The following SCN11A variants were observed in gnomAD, a reference collection of about 807,000 sequenced individuals.
The protein encoded by SCN11A is sodium channel protein type 11 subunit alpha.
SCN11A carries 122 observed loss-of-function variants against 162.2 expected under a neutral mutation model. That is an observed-to-expected ratio of 0.75 (90% CI 0.65 to 0.87). The LOEUF (loss-of-function observed/expected upper bound fraction) is 0.87. Among genes scored for constraint, SCN11A ranks in the 40% least tolerant of loss-of-function variants. The pLI, the probability that SCN11A is intolerant of heterozygous loss-of-function variation, is 0.00. For synonymous variants in SCN11A, 758 were observed against 751.5 expected (o/e 1.01, Z -0.14); for missense variants, 2,015 against 2,181.6 (o/e 0.92, Z 1.52).
intron 22 of SCN11A, among the ~76,000 whole-genome samples, chr3:38,880,777 G>A (rs1241826310): frequency 6.6e-6 from 1 of 152,194 alleles, no homozygotes; most frequent in Non-Finnish European, 1.5e-5. Context: ...ATGAAAAAGA[G>A]ATCCTGGCTT....
At chr3:38,914,113 T>TC (rs1013629540) in intron 11 of SCN11A, among the ~76,000 whole-genome samples, 2 of 152,210 alleles carry the variant, frequency 1.3e-5, no homozygotes, top group Non-Finnish European at 2.9e-5. Flanking sequence ...TATTGATTCT[T>TC]CCTATCCATG....
chr3:38,847,328 G>A lies in SCN11A; in HGVS notation c.4742C>T (p.Thr1581Ile). Residue 1581 changes from threonine to isoleucine, a missense_variant, in exon 30 of 30, where the codon ACA becomes ATA. Thr to Ile is a moderately conservative substitution (Grantham distance 89). Transcript: ENST00000302328. ...SENCHLPGIA[T>I]SYFVSYIIIS... ...GATAATGTAACTGACAAAGTAGGATGTGGCTATGCCAGGGAGGTGGCAGTT... is the reference window on the plus strand; with the variant it reads ...GATAATGTAACTGACAAAGTAGGATATGGCTATGCCAGGGAGGTGGCAGTT... The A allele has an allele frequency of 6.2e-7, 1 of 1,614,220 alleles. No homozygotes were observed. Among genetic ancestry groups the A allele is most frequent in the Non-Finnish European group, 8.5e-7 (1 of 1,180,024 alleles).
At chr3:38,892,175 T>A (rs140675259) in intron 19 of SCN11A, among the ~76,000 whole-genome samples, 2 of 152,282 alleles carry the variant, frequency 1.3e-5, no homozygotes, top group Non-Finnish European at 2.9e-5. Flanking sequence ...AAGATTTTTA[T>A]ATCTAGTGAG....
At chr3:38,869,574 T>C (rs1575225083) in intron 26 of SCN11A, among the ~76,000 whole-genome samples, 2 of 152,152 alleles carry the variant, frequency 1.3e-5, no homozygotes, top group Admixed American at 6.6e-5. Context: ...ATCATCTGTA[T>C]ATTAACTTAT....
intron 2 of SCN11A, among the ~76,000 whole-genome samples, chr3:39,019,058 G>A (rs1191962895): frequency 1.3e-5 from 2 of 152,056 alleles, no homozygotes; most frequent in African/African-American, 4.8e-5. Flanking sequence ...AAGCTAATGA[G>A]AGACCACCAG....
At position 38,960,430 on chromosome 3, in the gene SCN11A, G is replaced by A. The variant is rs35633398; in HGVS notation, c.-279-7C>T. Among the ~76,000 whole-genome samples, 16,552 of 152,190 alleles carry A rather than the reference G, an allele frequency of 0.11. 983 individuals are homozygous for A. The highest frequency in any genetic ancestry group is 0.16 in the Middle Eastern group (47 of 294). ...GGGAGGAGCGGCTTGGAGGCTGGGT[G>A]GAGAGTGTGGAGGAAGGCAAATGGG... On this transcript the variant is annotated splice_region_variant and splice_polypyrimidine_tract_variant and intron_variant, in intron 2 of 29. Transcript: ENST00000302328.
At chr3:39,026,782 G>C (rs1040901485) in intron 2 of SCN11A, among the ~76,000 whole-genome samples, 1 of 152,178 alleles carries the variant, frequency 6.6e-6, no homozygotes, top group Non-Finnish European at 1.5e-5. Context: ...GATACTGAGG[G>C]AGAGGGGTTG....
At chr3:38,996,492 T>C (rs549666138) in intron 2 of SCN11A, among the ~76,000 whole-genome samples, 3 of 152,328 alleles carry the variant, frequency 2.0e-5, no homozygotes, top group South Asian at 4.1e-4. Flanking sequence ...AGCATTTTTC[T>C]AAAGACTCTA....
At chr3:38,955,395 T>C (rs1308614501) in intron 3 of SCN11A, among the ~76,000 whole-genome samples, 2 of 152,182 alleles carry the variant, frequency 1.3e-5, no homozygotes, top group Non-Finnish European at 2.9e-5. Context: ...CCACATGCAG[T>C]ATGCAGTAAA....
chr3:38,879,802 C>T, intron 23 of SCN11A, 148 bp downstream of exon 23: 1 of 626,520 alleles, frequency 1.6e-6, no homozygotes, highest in South Asian at 2.1e-5. Flanking sequence ...ATGACAACTA[C>T]TTACAAGTAC....
chr3:38,959,250 AT>A (rs1244372685), intron 3 of SCN11A, among the ~76,000 whole-genome samples: 1 of 152,184 alleles, frequency 6.6e-6, no homozygotes, highest in African/African-American at 2.4e-5. Flanking sequence ...CATCATCCCC[AT>A]TTTGCAGAAG....
Position 39,007,009 on chromosome 3 carries a change from A to G in SCN11A, c.-280+25371T>C, listed in dbSNP as rs2125600907. Among the ~76,000 whole-genome samples the G allele has an allele frequency of 1.3e-5, 2 of 152,232 alleles. 1 individual carries two copies. Among genetic ancestry groups the G allele is most frequent in the South Asian group, 4.2e-4 (2 of 4,816 alleles). On this transcript the variant is annotated intron_variant, in intron 2 of 29. Coordinates refer to ENST00000302328, the MANE Select transcript of SCN11A (RefSeq NM_001349253.2). ...CTGAATAGTAGTTTCATAGAGAGAG[A>G]GAAAAAGAAGAATTTAAGTGAAACT...
intron 2 of SCN11A, among the ~76,000 whole-genome samples, chr3:38,986,606 C>T (rs1270312857): frequency 6.6e-6 from 1 of 152,148 alleles, no homozygotes; most frequent in Non-Finnish European, 1.5e-5. Flanking sequence ...ATCTCTCCCT[C>T]CCTCCTTCTC....
intron 1 of SCN11A, among the ~76,000 whole-genome samples, chr3:39,045,284 T>C (rs2032155155): frequency 6.6e-6 from 1 of 152,102 alleles, no homozygotes; most frequent in Admixed American, 6.6e-5. Context: ...TCTTCCAAAC[T>C]CATTCTACAA....
At chr3:39,051,783 C>T (rs1457719440) in intron 1 of SCN11A, among the ~76,000 whole-genome samples, 78 bp downstream of exon 1, 2 of 152,148 alleles carry the variant, frequency 1.3e-5, no homozygotes, top group Admixed American at 6.5e-5. Flanking sequence ...ATTCGTGTTG[C>T]TCCCTCAGCC....
chr3:38,864,770 T>C (rs1402323339), intron 27 of SCN11A, among the ~76,000 whole-genome samples: 1 of 152,112 alleles, frequency 6.6e-6, no homozygotes. Context: ...AACCTAAACT[T>C]GGAACATCGT....
chr3:38,886,252 C>T lies in SCN11A; in HGVS notation c.2836-14G>A, dbSNP rs1433019179. 6.5e-7 allele frequency: 1 copy of T among 1,544,164 alleles called. No homozygotes were observed. Among genetic ancestry groups the T allele is most frequent in the Non-Finnish European group, 8.9e-7 (1 of 1,119,864 alleles). Reference sequence around the variant, plus strand: ...GAGCTCATAGGCCTAACACAGAGAGCCCAGAATAGAATTAATATTCCTCCT... The same window carrying T: ...GAGCTCATAGGCCTAACACAGAGAGTCCAGAATAGAATTAATATTCCTCCT... On this transcript the variant is annotated splice_polypyrimidine_tract_variant and intron_variant, in intron 19 of 29. Coordinates refer to ENST00000302328, the MANE Select transcript of SCN11A (RefSeq NM_001349253.2).
chr3:39,048,000 T>C (rs1403910044), intron 1 of SCN11A, among the ~76,000 whole-genome samples: 3 of 152,186 alleles, frequency 2.0e-5, no homozygotes, highest in East Asian at 3.8e-4. Context: ...AACTACCATA[T>C]GATCCAGCAA....
At chr3:39,027,495 G>C (rs1337026017) in intron 2 of SCN11A, among the ~76,000 whole-genome samples, 1 of 152,170 alleles carries the variant, frequency 6.6e-6, no homozygotes, top group Admixed American at 6.5e-5. Flanking sequence ...AGCTCAGCTC[G>C]AAAGTGTAGG....
Sources: gnomAD v4.1 joint callset for allele counts (sites outside exome capture counted in the v4.1 genomes callset) on GRCh38, gnomAD v4.1.1 for gene constraint, MANE v1.5 for transcripts, NCBI Gene and HGNC (gene_info 2026-07-23, HGNC 2026-07-21) for gene names.